PTGER4: variants seen among roughly 807,000 people sequenced by gnomAD.
PTGER4 encodes prostaglandin E receptor 4.
In PTGER4, 11 loss-of-function variants were observed where a neutral mutation model predicts 33.2. The observed-to-expected ratio is 0.33, with a 90% CI of 0.21 to 0.55. The LOEUF (loss-of-function observed/expected upper bound fraction) is 0.55. PTGER4 is among the 20% of genes least tolerant of loss of function. The probability of loss-of-function intolerance (pLI) is 0.92; values close to 1 mark genes in which losing one functional copy is unlikely to be tolerated. For synonymous variants in PTGER4, 275 were observed against 281.5 expected, an observed-to-expected ratio of 0.98 and a Z score of 0.23; for missense variants, 481 against 650.2, an observed-to-expected ratio of 0.74 and a Z score of 2.83.
chr5:40,713,406 TTTAAAAAATC>T, the PTGER4 span, among the ~76,000 whole-genome samples: 1 of 152,178 alleles, frequency 6.6e-6, no homozygotes, highest in East Asian at 1.9e-4. Context: ...AGACAGAGCT[TTTAAAAAATC>T]TTTATAGTTT....
At chr5:40,699,250 C>G in the PTGER4 span, among the ~76,000 whole-genome samples, 2 of 150,798 alleles carry the variant, frequency 1.3e-5, no homozygotes, top group African/African-American at 4.9e-5. Flanking sequence ...AAAGACATAG[C>G]AATAGATTCA....
chr5:40,738,564 A>T, the PTGER4 span, among the ~76,000 whole-genome samples: 444 of 109,306 alleles, frequency 4.1e-3, 8 homozygotes, highest in Non-Finnish European at 4.5e-3. Flanking sequence ...AAATAAAATA[A>T]AATATAAAAT....
the PTGER4 span, among the ~76,000 whole-genome samples, chr5:40,726,657 T>G: frequency 6.6e-6 from 1 of 152,034 alleles, no homozygotes. Context: ...TCAAAAAAAT[T>G]TAAATATTAA....
At chr5:40,697,286 GA>G (rs1445785843), downstream of PTGER4, among the ~76,000 whole-genome samples, 3 of 131,088 alleles carry the variant, frequency 2.3e-5, no homozygotes, top group African/African-American at 7.9e-5. Flanking sequence ...AAGAAAGAAA[GA>G]AAGAAAGAAA....
rs562450848 is a variant in PTGER4 at position 40,681,590 on chromosome 5, C to A, written c.597C>A (p.Thr199=). Residue 199 remains threonine, a synonymous_variant, in exon 2 of 3, where the codon ACC becomes ACA. Transcript: ENST00000302472. This position sits in a 1 kb window ranked among gnomAD's most constrained non-coding sequence, Gnocchi z 9.8. ...AGFSSFLILA[T]VLCNVLVCGA... ...TCAGCTCCTTCCTCATTCTCGCCACCGTCCTCTGCAACGTGCTTGTGTGCG... is the reference window on the plus strand; with the variant it reads ...TCAGCTCCTTCCTCATTCTCGCCACAGTCCTCTGCAACGTGCTTGTGTGCG... 11 of 1,609,210 alleles carry A rather than the reference C, an allele frequency of 6.8e-6. No homozygotes were observed. Among genetic ancestry groups the A allele is most frequent in the South Asian group, 1.1e-5 (1 of 91,088 alleles).
chr5:40,737,960 G>A, the PTGER4 span, among the ~76,000 whole-genome samples: 1 of 152,190 alleles, frequency 6.6e-6, no homozygotes, highest in Non-Finnish European at 1.5e-5. Flanking sequence ...TTCACCTGCT[G>A]ATGAACATTT....
chr5:40,746,773 T>TA, the PTGER4 span: 78,133 of 1,085,532 alleles, frequency 0.072, no homozygotes, highest in Non-Finnish European at 0.079. Flanking sequence ...CTCTTCTCCA[T>TA]AAAAAAAAAA....
In PTGER4 at chr5:40,691,734, A is replaced by G. The variant is rs1194211401; in HGVS notation, c.868-45A>G. 2 of 1,567,450 alleles carry G rather than the reference A, an allele frequency of 1.3e-6. No homozygotes were observed. Among genetic ancestry groups the G allele is most frequent in the Admixed American group, 1.9e-5 (1 of 53,440 alleles). ...AGACATAGCATTTATATGTTTTCCC[A>G]ATTGATTAATGATGAAATCTAAATG... On this transcript the variant is annotated intron_variant, in intron 2 of 2. Coordinates refer to ENST00000302472, the MANE Select transcript of PTGER4 (RefSeq NM_000958.3). The surrounding 1 kb of genome is among the most constrained non-coding windows in gnomAD (Gnocchi z 4.2).
At chr5:40,712,071 TATACTC>T in the PTGER4 span, among the ~76,000 whole-genome samples, 5 of 152,136 alleles carry the variant, frequency 3.3e-5, no homozygotes, top group Non-Finnish European at 5.9e-5. Flanking sequence ...ATTTCTAAGT[TATACTC>T]ATTTAAGAAA....
At chr5:40,718,945 T>C in the PTGER4 span, among the ~76,000 whole-genome samples, 1 of 152,148 alleles carries the variant, frequency 6.6e-6, no homozygotes, top group South Asian at 2.1e-4. Flanking sequence ...ACCATGGGAA[T>C]TGTGCTTTAT....
In PTGER4 at chr5:40,680,915, C is replaced by T. The variant is rs936814030; in HGVS notation, c.-43-36C>T. On this transcript the variant is annotated intron_variant, in intron 1 of 2. Transcript: ENST00000302472. The surrounding 1 kb of genome is among the most constrained non-coding windows in gnomAD (Gnocchi z 5.5). ...AACACCTTACAAGTGGTAATTTCCG[C>T]TCACGGCAGCTTTGTCTCTCTTCTA... The T allele has an allele frequency of 4.6e-5, 70 of 1,515,476 alleles. No individual in the cohort carries two copies. The highest frequency in any genetic ancestry group is 5.8e-5 in the Non-Finnish European group (65 of 1,129,596). The allele number at this position is 1,515,476 out of a possible 1,614,324, so 93.9% of individuals were successfully genotyped here. A position where few individuals can be genotyped will look rare whatever the true frequency, so the allele number is the denominator to read the frequency against.
the PTGER4 span, among the ~76,000 whole-genome samples, chr5:40,743,091 A>AT: frequency 6.6e-6 from 1 of 152,236 alleles, no homozygotes; most frequent in South Asian, 2.1e-4. Flanking sequence ...AACACACTAA[A>AT]TAAGTGTATA....
At chr5:40,718,529 C>A in the PTGER4 span, among the ~76,000 whole-genome samples, 1 of 152,170 alleles carries the variant, frequency 6.6e-6, no homozygotes, top group Non-Finnish European at 1.5e-5. Context: ...ATCACAAGGT[C>A]AGGAGTTCAA....
the PTGER4 span, among the ~76,000 whole-genome samples, chr5:40,727,326 T>C: frequency 1.3e-5 from 2 of 152,216 alleles, no homozygotes; most frequent in Non-Finnish European, 2.9e-5. Context: ...AATTTGGCAC[T>C]GTATATTAGA....
the PTGER4 span, among the ~76,000 whole-genome samples, chr5:40,717,229 C>CA: frequency 0.37 from 40,429 of 108,724 alleles, 7,881 homozygotes; most frequent in African/African-American, 0.52. Flanking sequence ...AACTCCATCT[C>CA]AAAAAAAAAA....
the PTGER4 span, among the ~76,000 whole-genome samples, chr5:40,738,567 T>TAAAATAAAATAAAATATAAA: frequency 1.4e-3 from 97 of 67,586 alleles, 1 homozygote; most frequent in South Asian, 4.6e-3. Context: ...TAAAATAAAA[T>TAAAATAAAATAAAATATAAA]ATAAAATAAA....
intron 2 of PTGER4, among the ~76,000 whole-genome samples, chr5:40,690,318 C>G (rs553339764): frequency 7.6e-4 from 116 of 152,210 alleles, no homozygotes; most frequent in Non-Finnish European, 1.4e-3. Flanking sequence ...CCAGCCTGGG[C>G]GACAGAGTGA....
downstream of PTGER4, among the ~76,000 whole-genome samples, chr5:40,697,609 A>C (rs1459419098): frequency 7.9e-5 from 12 of 151,478 alleles, no homozygotes; most frequent in South Asian, 1.5e-3. Flanking sequence ...AAACAAAGAA[A>C]AAAGAAAAAG....
chr5:40,692,809 G>C lies in PTGER4; in HGVS notation c.*431G>C. The C allele has an allele frequency of 1.0e-6, 1 of 988,984 alleles. No individual in the cohort carries two copies. Among genetic ancestry groups the C allele is most frequent in the Middle Eastern group, 5.2e-4 (1 of 1,916 alleles). 61.3% of individuals were successfully genotyped at this position (988,984 alleles called of 1,614,324 possible). Reference sequence around the variant, plus strand: ...AGTGTCTCACTAAAGCATGAAATGTGAATTTTTATTGTTGTACATACGATT... The same window carrying C: ...AGTGTCTCACTAAAGCATGAAATGTCAATTTTTATTGTTGTACATACGATT... On this transcript the variant is annotated 3_prime_UTR_variant, in exon 3 of 3. Coordinates refer to ENST00000302472, the MANE Select transcript of PTGER4 (RefSeq NM_000958.3).
Sources: gnomAD v4.1 joint callset for allele counts (sites outside exome capture counted in the v4.1 genomes callset) on GRCh38, gnomAD v4.1.1 for gene constraint, Gnocchi (gnomAD v3.1) non-coding constraint, MANE v1.5 for transcripts, NCBI Gene and HGNC (gene_info 2026-07-23, HGNC 2026-07-21) for gene names.